The following RBFOX1 variants were observed in gnomAD, a reference collection of about 807,000 sequenced individuals.
RBFOX1 encodes the protein RNA binding protein fox-1 homolog 1.
In RBFOX1, 8 loss-of-function variants were observed where a neutral mutation model predicts 57.7. The observed-to-expected ratio is 0.14, with a 90% CI of 0.08 to 0.25. RBFOX1 has a LOEUF of 0.25. Ranked by LOEUF, RBFOX1 falls within the 10% of genes least tolerant of loss-of-function variation. The pLI is 1.00. For synonymous variants in RBFOX1, 326 were observed against 222.4 expected (o/e 1.47, Z -4.15); for missense variants, 611 against 548.5 (o/e 1.11, Z -1.14).
At chr16:6,101,267 T>C (rs2096304309) in intron 1 of RBFOX1, among the ~76,000 whole-genome samples, 1 of 152,190 alleles carries the variant, frequency 6.6e-6, no homozygotes, top group Non-Finnish European at 1.5e-5. Flanking sequence ...TCAGTGGGTG[T>C]AGGCCTCTGG....
At chr16:7,709,456 T>G in intron 15 of RBFOX1, 7 of 1,420,762 alleles carry the variant, frequency 4.9e-6, no homozygotes, top group Non-Finnish European at 6.5e-6. Context: ...ACTTTTTTTT[T>G]TCTTTTTTTT....
At chr16:5,305,983 G>A (rs1306867550) in intron 1 of RBFOX1, among the ~76,000 whole-genome samples, 2 of 152,176 alleles carry the variant, frequency 1.3e-5, no homozygotes, top group Non-Finnish European at 2.9e-5. Flanking sequence ...CTTGAGTCCA[G>A]TAGTTTGAGA....
intron 4 of RBFOX1, among the ~76,000 whole-genome samples, chr16:7,247,714 C>A (rs766091791): frequency 2.0e-5 from 3 of 152,152 alleles, no homozygotes; most frequent in Non-Finnish European, 4.4e-5. Context: ...GGAAACATAG[C>A]CTCTTTAAAT....
intron 4 of RBFOX1, among the ~76,000 whole-genome samples, chr16:7,114,932 C>T (rs2065565371): frequency 6.6e-6 from 1 of 152,142 alleles, no homozygotes; most frequent in South Asian, 2.1e-4. Context: ...AGGGTAAGAT[C>T]ACTTAGCTGT....
intron 2 of RBFOX1, among the ~76,000 whole-genome samples, chr16:6,525,110 A>T (rs2096560676): frequency 6.6e-6 from 1 of 152,200 alleles, no homozygotes; most frequent in Admixed American, 6.5e-5. Flanking sequence ...ACAAAACTGT[A>T]AAACAGAGAT....
chr16:7,563,066 C>T (rs577504972), intron 5 of RBFOX1, among the ~76,000 whole-genome samples: 28 of 152,302 alleles, frequency 1.8e-4, no homozygotes, highest in African/African-American at 5.8e-4. Context: ...CCCAAAGAAG[C>T]TCTGAGGCCC....
At chr16:6,822,922 G>A (rs1290431625) in intron 3 of RBFOX1, among the ~76,000 whole-genome samples, 1 of 152,202 alleles carries the variant, frequency 6.6e-6, no homozygotes, top group Non-Finnish European at 1.5e-5. Flanking sequence ...TGCTGCTGCA[G>A]CAGAGGATAG....
intron 3 of RBFOX1, among the ~76,000 whole-genome samples, chr16:6,841,518 G>A (rs940760672): frequency 3.3e-5 from 5 of 152,106 alleles, no homozygotes; most frequent in African/African-American, 1.2e-4. Context: ...ATGATTTTCT[G>A]AACAACCTAA....
At chr16:6,096,657 A>G (rs566637056) in intron 1 of RBFOX1, among the ~76,000 whole-genome samples, 11 of 152,204 alleles carry the variant, frequency 7.2e-5, no homozygotes, top group African/African-American at 2.2e-4. Flanking sequence ...AGTGGCATCA[A>G]TCTTACAGTT....
intron 2 of RBFOX1, among the ~76,000 whole-genome samples, chr16:6,587,251 C>A (rs1041693842): frequency 6.6e-6 from 1 of 151,914 alleles, no homozygotes; most frequent in Non-Finnish European, 1.5e-5. Context: ...TAAGATTCCA[C>A]ATACAAATGA....
intron 1 of RBFOX1, among the ~76,000 whole-genome samples, chr16:6,268,750 A>C (rs1001381184): frequency 6.6e-6 from 1 of 152,208 alleles, no homozygotes; most frequent in Admixed American, 6.5e-5. Context: ...ACACACAAAC[A>C]TGCAAGTAAA....
intron 3 of RBFOX1, among the ~76,000 whole-genome samples, chr16:5,813,008 C>CTTTT (rs565304481): frequency 7.4e-6 from 1 of 135,944 alleles, no homozygotes; most frequent in Non-Finnish European, 1.6e-5. Context: ...CCTTTAACCA[C>CTTTT]TTTTTTTTTT....
At chr16:7,110,609 C>T (rs950483760) in intron 4 of RBFOX1, among the ~76,000 whole-genome samples, 1 of 152,116 alleles carries the variant, frequency 6.6e-6, no homozygotes, top group East Asian at 1.9e-4. Context: ...AGTGTAGTTG[C>T]TCTGGTGACA....
intron 4 of RBFOX1, among the ~76,000 whole-genome samples, chr16:7,411,836 G>C (rs571776495): frequency 2.0e-5 from 3 of 149,274 alleles, no homozygotes; most frequent in Non-Finnish European, 4.4e-5. Flanking sequence ...CCAGGAAGCA[G>C]TGGTTGTGGT....
chr16:6,317,205 C>A, intron 2 of RBFOX1, 148 bp downstream of exon 2: 1 of 732,366 alleles, frequency 1.4e-6, no homozygotes, highest in Non-Finnish European at 2.2e-6. Context: ...CCTATTGTAT[C>A]AGAGATGAGA....
intron 2 of RBFOX1, among the ~76,000 whole-genome samples, chr16:6,490,380 A>C (rs897760010): frequency 6.6e-6 from 1 of 152,192 alleles, no homozygotes; most frequent in African/African-American, 2.4e-5. Flanking sequence ...GTATTTTTCA[A>C]AATTTCTTGT....
intron 4 of RBFOX1, among the ~76,000 whole-genome samples, chr16:7,228,905 G>C (rs1567801915): frequency 6.6e-6 from 1 of 152,300 alleles, no homozygotes; most frequent in East Asian, 1.9e-4. Flanking sequence ...CATTTTGAGA[G>C]AGAAGAAGAT....
chr16:5,748,467 A>G (rs2151611601), intron 3 of RBFOX1, among the ~76,000 whole-genome samples: 1 of 152,278 alleles, frequency 6.6e-6, no homozygotes, highest in Middle Eastern at 3.4e-3. Context: ...TAATGTTGAC[A>G]GTGGGGTGTT....
rs547499259 is a variant in RBFOX1, at chr16:6,754,639, G to A, written c.-16+99989G>A. Among the ~76,000 whole-genome samples, 8 of 152,138 alleles carry A rather than the reference G, an allele frequency of 5.3e-5. No homozygotes were observed. In the South Asian group the frequency reaches 1.0e-3, roughly 20 times the overall value. ...TTTTCAGGAGCACACTTTTATATAC[G>A]GGGATGTTGTTTTAGAGGTGGGAGA... On this transcript the variant is annotated intron_variant, in intron 3 of 15. Coordinates refer to ENST00000550418, the MANE Select transcript of RBFOX1 (RefSeq NM_018723.4).
Sources: gnomAD v4.1 joint callset for allele counts (sites outside exome capture counted in the v4.1 genomes callset) on GRCh38, gnomAD v4.1.1 for gene constraint, MANE v1.5 for transcripts, NCBI Gene and HGNC (gene_info 2026-07-23, HGNC 2026-07-21) for gene names.